Variants in USP25 observed in about 807,000 individuals in gnomAD.
USP25 encodes ubiquitin specific peptidase 25.
Under a neutral mutation model 158.5 loss-of-function variants are expected in USP25, and 85 were observed. The ratio of observed to expected loss-of-function variants is 0.54; its 90% CI spans 0.45 to 0.64. The LOEUF (loss-of-function observed/expected upper bound fraction) is 0.64, where lower values mean the gene tolerates loss of function less well. USP25 is among the 30% of genes least tolerant of loss of function. USP25 has a pLI of 0.00. For missense variants in USP25, 1,242 were observed against 1,327.3 expected (o/e 0.94, Z 1.00); for synonymous variants, 464 against 460.4 (o/e 1.01, Z -0.10).
intron 4 of USP25, among the ~76,000 whole-genome samples, chr21:15,778,279 T>C (rs1180066707): frequency 6.6e-6 from 1 of 152,138 alleles, no homozygotes; most frequent in Non-Finnish European, 1.5e-5. Flanking sequence ...AATATTTCTT[T>C]CATTTTTTTT....
At chr21:15,756,807 G>A (rs1414613278) in intron 1 of USP25, among the ~76,000 whole-genome samples, 1 of 152,044 alleles carries the variant, frequency 6.6e-6, no homozygotes, top group East Asian at 1.9e-4. Flanking sequence ...GAATCTCTTT[G>A]GACGTTGCAT....
At chr21:15,810,411 A>G (rs974890908) in intron 8 of USP25, among the ~76,000 whole-genome samples, 25 of 152,220 alleles carry the variant, frequency 1.6e-4, no homozygotes, top group Non-Finnish European at 3.2e-4. Context: ...AATTGTGGAT[A>G]CAACGCATTT....
In USP25 at chr21:15,824,032, C is replaced by T; in HGVS notation, c.1081-7C>T. 6.2e-7 allele frequency: 1 copy of T among 1,609,464 alleles called. No homozygotes were observed. Among genetic ancestry groups the T allele is most frequent in the South Asian group, 1.1e-5 (1 of 90,280 alleles). On this transcript the variant is annotated splice_region_variant and splice_polypyrimidine_tract_variant and intron_variant, in intron 10 of 25. Coordinates refer to ENST00000400183, the MANE Select transcript of USP25 (RefSeq NM_001283041.3). The stretch of plus-strand genomic sequence containing the variant: ...AAAGTTTTTGTTATTGTTTTATTTC[C>T]TTTCAGCATTGGTTTACTGAATTAC...
At chr21:15,743,232 A>G (rs2032227536) in intron 1 of USP25, among the ~76,000 whole-genome samples, 1 of 152,150 alleles carries the variant, frequency 6.6e-6, no homozygotes, top group South Asian at 2.1e-4. Context: ...TATTCCAGCA[A>G]TTGGGAGTGT....
intron 8 of USP25, 139 bp from the exon 9 acceptor site, chr21:15,810,998 G>A: frequency 1.4e-6 from 1 of 695,682 alleles, no homozygotes; most frequent in Non-Finnish European, 2.4e-6. Flanking sequence ...ACGTGGCACT[G>A]TAAATAACAG....
rs375782315 is a variant in USP25 at position 15,811,170 on chromosome 21, G to T, written c.891G>T (p.Glu297Asp). The T allele has an allele frequency of 1.5e-5, 24 of 1,612,816 alleles. No homozygotes were observed. Among genetic ancestry groups the T allele is most frequent in the Admixed American group, 5.0e-5 (3 of 59,776 alleles). The part of the protein sequence containing the change: ...DEEKPKNPMV[E>D]LFYGRFLAVG... ...AGAAGCCAAAGAACCCCATGGTAGA[G>T]TTGTTCTATGGCAGATTCCTGGCTG... The change falls in exon 9 of 26, where the codon GAG becomes GAT. Residue 297 changes from glutamate (E) to aspartate (D), a missense_variant. By Grantham distance (45) the Glu-to-Asp change is conservative (BLOSUM62 2). This residue lies in a region of USP25 where 627 missense variants were observed against 701.4 expected (regional missense o/e 0.89). Coordinates refer to ENST00000400183, the MANE Select transcript of USP25 (RefSeq NM_001283041.3).
chr21:15,814,062 T>C (rs911130335), intron 9 of USP25, among the ~76,000 whole-genome samples: 21 of 151,066 alleles, frequency 1.4e-4, no homozygotes, highest in Non-Finnish European at 2.4e-4. Flanking sequence ...CTGAGACTTA[T>C]CATTTATTAA....
chr21:15,806,378 C>T (rs933835386), intron 7 of USP25, among the ~76,000 whole-genome samples: 1 of 150,580 alleles, frequency 6.6e-6, no homozygotes, highest in Non-Finnish European at 1.5e-5. Context: ...CTTCTGTTCT[C>T]TGACTTATCT....
intron 20 of USP25, among the ~76,000 whole-genome samples, chr21:15,854,640 A>G (rs1187658169): frequency 1.3e-5 from 2 of 152,138 alleles, no homozygotes; most frequent in Non-Finnish European, 2.9e-5. Flanking sequence ...TTTGCTAGTG[A>G]TAAGAATAGT....
rs915733487 is a variant in USP25 at position 15,878,192 on chromosome 21, A to C, written c.3206-111A>C. 9.9e-6 allele frequency: 14 copies of C among 1,407,476 alleles called. No homozygotes were observed. The African/African-American group carries it at 2.0e-4, about 20-fold the overall frequency. 87.2% of individuals were successfully genotyped at this position (1,407,476 alleles called of 1,614,324 possible). ...TTGCCATTTATGTTTTTGTCTCCCC[A>C]AAATGGCAATTATCTTACCTATTAG... On this transcript the variant is annotated intron_variant, in intron 25 of 25. Transcript: ENST00000400183.
chr21:15,774,626 T>A (rs897781107), intron 3 of USP25, among the ~76,000 whole-genome samples: 10 of 152,196 alleles, frequency 6.6e-5, no homozygotes, highest in Non-Finnish European at 1.3e-4. Context: ...TTTACACTAG[T>A]TGTTAGCAAC....
intron 20 of USP25, among the ~76,000 whole-genome samples, chr21:15,852,824 A>T (rs2038946791): frequency 6.6e-6 from 1 of 152,064 alleles, no homozygotes; most frequent in South Asian, 2.1e-4. Flanking sequence ...GTTTGTGTAC[A>T]TTTGCACCTA....
At chr21:15,819,204 T>C (rs1037224996) in intron 10 of USP25, among the ~76,000 whole-genome samples, 8 of 152,212 alleles carry the variant, frequency 5.3e-5, no homozygotes, top group Middle Eastern at 3.2e-3. Context: ...TATATGCTAC[T>C]TATATCAACT....
intron 2 of USP25, among the ~76,000 whole-genome samples, chr21:15,765,159 G>A (rs948109898): frequency 6.6e-6 from 1 of 152,080 alleles, no homozygotes; most frequent in African/African-American, 2.4e-5. Flanking sequence ...AGCCTTCCAT[G>A]TTTTGGTTTT....
In USP25 at chr21:15,847,719, G is replaced by A. The variant is rs879233021; in HGVS notation, c.2394G>A (p.Ala798=). The change falls in exon 19 of 26, where the codon GCG becomes GCA. Residue 798 remains alanine, a synonymous_variant. Coordinates refer to ENST00000400183, the MANE Select transcript of USP25 (RefSeq NM_001283041.3). ...CTAATCAGCGAGTTGTAGAGGTGGC[G>A]ATCCCTCATGTAGGGAAATTTATGA... is the stretch of plus-strand genomic sequence containing the variant. ...PLSNQRVVEV[A]IPHVGKFMIE... The A allele has an allele frequency of 6.5e-6, 10 of 1,549,960 alleles. No homozygotes were observed. In the East Asian group the frequency reaches 7.3e-5, roughly 11 times the overall value.
intron 24 of USP25, chr21:15,877,040 A>T (rs2040126537): frequency 6.6e-6 from 1 of 152,002 alleles, no homozygotes; most frequent in African/African-American, 2.4e-5. Flanking sequence ...TCCACCTACC[A>T]CTTGTTTTTA....
At chr21:15,782,227 A>G (rs1047902626) in intron 4 of USP25, among the ~76,000 whole-genome samples, 7 of 152,126 alleles carry the variant, frequency 4.6e-5, no homozygotes, top group African/African-American at 1.7e-4. Flanking sequence ...GCCCCACCCC[A>G]AGGGAGAGAG....
intron 2 of USP25, 26 bp downstream of exon 2, chr21:15,762,994 A>G: frequency 6.3e-7 from 1 of 1,590,512 alleles, no homozygotes. Flanking sequence ...TATGATATAC[A>G]GTTTGTGGTA....
intron 1 of USP25, among the ~76,000 whole-genome samples, chr21:15,755,152 G>T (rs1316950560): frequency 6.8e-6 from 1 of 146,402 alleles, no homozygotes; most frequent in Non-Finnish European, 1.5e-5. Flanking sequence ...GTTTCTATCA[G>T]TTTTTTTTTT....
Sources: gnomAD v4.1 joint callset for allele counts (sites outside exome capture counted in the v4.1 genomes callset) on GRCh38, gnomAD v4.1.1 for gene constraint, gnomAD v4.1.1 regional missense constraint, MANE v1.5 for transcripts, NCBI Gene and HGNC (gene_info 2026-07-23, HGNC 2026-07-21) for gene names.